ANKRD30B: variants seen among roughly 807,000 people sequenced by gnomAD.
The protein encoded by ANKRD30B is ankyrin repeat domain 30B, also known as ankyrin repeat domain-containing protein 30B.
ANKRD30B carries 144 observed loss-of-function variants against 202.2 expected under a neutral mutation model. That is an observed-to-expected ratio of 0.71 (90% CI 0.62 to 0.82). The LOEUF (loss-of-function observed/expected upper bound fraction) is 0.82, where lower values mean the gene tolerates loss of function less well. Ranked by LOEUF, ANKRD30B falls within the 40% of genes least tolerant of loss-of-function variation. ANKRD30B has a pLI of 0.00. For missense variants in ANKRD30B, 1,487 were observed against 1,669.1 expected, an observed-to-expected ratio of 0.89 and a Z score of 1.90; for synonymous variants, 508 against 561.3, an observed-to-expected ratio of 0.91 and a Z score of 1.34.
chr18:14,837,325 G>A, intron 35 of ANKRD30B, 36 bp downstream of exon 35: 7 of 1,475,034 alleles, frequency 4.7e-6, no homozygotes, highest in Non-Finnish European at 5.5e-6. Context: ...CAAAATAATA[G>A]AAATGGTAAA....
At chr18:14,773,974 A>G (rs1380807820) in intron 9 of ANKRD30B, among the ~76,000 whole-genome samples, 1 of 152,120 alleles carries the variant, frequency 6.6e-6, no homozygotes, top group African/African-American at 2.4e-5. Flanking sequence ...TCTATTAAAC[A>G]TATCTTGTCA....
At chr18:14,924,642 C>A in the ANKRD30B span, among the ~76,000 whole-genome samples, 4 of 152,240 alleles carry the variant, frequency 2.6e-5, no homozygotes, top group Non-Finnish European at 5.9e-5. Context: ...AGACGAGGTC[C>A]ATGAGGGCCC....
the ANKRD30B span, among the ~76,000 whole-genome samples, chr18:14,875,451 G>A: frequency 6.6e-6 from 1 of 152,118 alleles, no homozygotes; most frequent in Non-Finnish European, 1.5e-5. Flanking sequence ...CTTTCCCATA[G>A]GAAGGTTATG....
chr18:14,781,204 AG>A (rs1214510580), intron 11 of ANKRD30B, among the ~76,000 whole-genome samples: 1 of 152,146 alleles, frequency 6.6e-6, no homozygotes, highest in African/African-American at 2.4e-5. Flanking sequence ...TTTTTCTATC[AG>A]CAGACATTTT....
intron 9 of ANKRD30B, among the ~76,000 whole-genome samples, chr18:14,777,505 C>T (rs1215249549): frequency 6.6e-6 from 1 of 151,486 alleles, no homozygotes; most frequent in African/African-American, 2.4e-5. Context: ...ACCAAGTTGG[C>T]CAGGGTAGTC....
chr18:14,772,378 TA>T, intron 9 of ANKRD30B, 150 bp downstream of exon 9: 1 of 399,436 alleles, frequency 2.5e-6, no homozygotes, highest in Non-Finnish European at 4.1e-6. Context: ...GTAGTTGATT[TA>T]AACAGTTTTT....
At chr18:14,937,379 C>T in the ANKRD30B span, among the ~76,000 whole-genome samples, 1 of 152,150 alleles carries the variant, frequency 6.6e-6, no homozygotes, top group Admixed American at 6.5e-5. Context: ...GGGGGTTCAG[C>T]AGGTGTAGCC....
rs747432888 is a variant in ANKRD30B at position 14,850,300 on chromosome 18, A to G, written c.3482A>G (p.Lys1161Arg). 2 of 1,593,106 alleles carry G rather than the reference A, an allele frequency of 1.3e-6. No individual in the cohort carries two copies. Among genetic ancestry groups the G allele is most frequent in the African/African-American group, 2.7e-5 (2 of 73,724 alleles). ...AGACCCGAAGAGCAACTTAGGAAAA[A>G]GTTAGAAGTGAAACAACAACTTGAA... ...KIRPEEQLRK[K>R]LEVKQQLEQT... is the part of the protein sequence containing the mutation. Residue 1161 changes from lysine to arginine, a missense_variant, in exon 41 of 44, where the codon AAG becomes AGG. Transcript: ENST00000690538.
intron 30 of ANKRD30B, among the ~76,000 whole-genome samples, chr18:14,819,375 C>T (rs1306684425): frequency 6.6e-6 from 1 of 150,948 alleles, no homozygotes; most frequent in African/African-American, 2.4e-5. Flanking sequence ...AATTAGATCC[C>T]ATTTGTCAAT....
At chr18:14,809,603 G>A (rs536741322) in intron 26 of ANKRD30B, among the ~76,000 whole-genome samples, 3 of 150,940 alleles carry the variant, frequency 2.0e-5, no homozygotes, top group Admixed American at 6.6e-5. Flanking sequence ...ATGAACATAT[G>A]CCTTTCTGGG....
chr18:14,905,556 C>T, the ANKRD30B span: 1 of 152,180 alleles, frequency 6.6e-6, no homozygotes. Context: ...TAGATGAAGC[C>T]TCTAGGTAGT....
chr18:14,891,852 A>G, the ANKRD30B span, among the ~76,000 whole-genome samples: 1 of 152,216 alleles, frequency 6.6e-6, no homozygotes, highest in East Asian at 1.9e-4. Context: ...GGGAAATAAC[A>G]TGCAGAAGAA....
the ANKRD30B span, among the ~76,000 whole-genome samples, chr18:14,896,383 G>T: frequency 6.6e-6 from 1 of 151,964 alleles, no homozygotes; most frequent in African/African-American, 2.4e-5. Context: ...TGCCCACCTC[G>T]GCCTCCCAAA....
At chr18:14,867,725 C>T in the ANKRD30B span, among the ~76,000 whole-genome samples, 54 of 152,110 alleles carry the variant, frequency 3.6e-4, no homozygotes, top group Non-Finnish European at 6.6e-4. Flanking sequence ...CAGGGAGCCC[C>T]GGGCACTGTG....
the ANKRD30B span, among the ~76,000 whole-genome samples, chr18:14,874,215 A>C: frequency 1.3e-5 from 2 of 152,184 alleles, no homozygotes; most frequent in Admixed American, 6.5e-5. Flanking sequence ...AGTAATCCTA[A>C]GACTTTCGAA....
chr18:14,809,847 C>G, intron 26 of ANKRD30B, 139 bp from the exon 27 acceptor site: 1 of 838,200 alleles, frequency 1.2e-6, no homozygotes, highest in South Asian at 1.4e-5. Flanking sequence ...AATACAATAA[C>G]CCAAAAGACC....
the ANKRD30B span, among the ~76,000 whole-genome samples, chr18:14,921,276 G>A: frequency 6.6e-6 from 1 of 151,228 alleles, no homozygotes; most frequent in Admixed American, 6.6e-5. Context: ...CACATGAGGC[G>A]CATGTTTAGA....
the ANKRD30B span, among the ~76,000 whole-genome samples, chr18:14,870,341 G>C: frequency 3.9e-5 from 6 of 152,206 alleles, no homozygotes; most frequent in African/African-American, 1.4e-4. Flanking sequence ...AAGGTTTGCT[G>C]GGGGCCTCCC....
At chr18:14,752,105 A>T (rs556946007) in intron 1 of ANKRD30B, among the ~76,000 whole-genome samples, 1 of 152,294 alleles carries the variant, frequency 6.6e-6, no homozygotes, top group South Asian at 2.1e-4. Context: ...TTTACTTAAA[A>T]TGTTTTCTTT....
Sources: gnomAD v4.1 joint callset for allele counts (sites outside exome capture counted in the v4.1 genomes callset) on GRCh38, gnomAD v4.1.1 for gene constraint, MANE v1.5 for transcripts, NCBI Gene and HGNC (gene_info 2026-07-23, HGNC 2026-07-21) for gene names.